The following CHRNE variants were observed in gnomAD, a reference collection of about 807,000 sequenced individuals.
CHRNE encodes acetylcholine receptor subunit epsilon.
Under a neutral mutation model 56.5 loss-of-function variants are expected in CHRNE, and 58 were observed. The ratio of observed to expected loss-of-function variants is 1.03; its 90% CI spans 0.83 to 1.28. The LOEUF (loss-of-function observed/expected upper bound fraction) is 1.28, where lower values mean the gene tolerates loss of function less well. Among genes scored for constraint, CHRNE ranks in the 50% most tolerant of loss-of-function variants. CHRNE has a pLI of 0.00. For missense variants in CHRNE, 793 were observed against 688.9 expected (o/e 1.15, Z -1.69); for synonymous variants, 385 against 297.9 (o/e 1.29, Z -3.01).
intron 5 of CHRNE, 54 bp downstream of exon 5, chr17:4,901,878 C>CCA: frequency 1.4e-6 from 2 of 1,475,980 alleles, no homozygotes; most frequent in African/African-American, 1.4e-5. Flanking sequence ...GGCCCCGCCC[C>CCA]ATAAGGCCCC....
Position 4,898,733 on chromosome 17 carries a change from G to A in CHRNE, c.*3C>T, listed in dbSNP as rs559273758. On this transcript the variant is annotated 3_prime_UTR_variant, in exon 12 of 12. Transcript: ENST00000649488. ...ATGGGTGGGAAATTGAAGTCGGTGC[G>A]AGCTAAGGCTGGATACACGGCGCGT... The A allele has an allele frequency of 2.2e-5, 36 of 1,609,256 alleles. No homozygotes were observed. The highest frequency in any genetic ancestry group is 1.5e-4 in the Admixed American group (9 of 59,242).
At chr17:4,904,181 CTT>C (rs931413877), upstream of CHRNE, among the ~76,000 whole-genome samples, 2 of 151,690 alleles carry the variant, frequency 1.3e-5, no homozygotes, top group Non-Finnish European at 2.9e-5. Flanking sequence ...TTTTCTGTTT[CTT>C]TTTTTGTTTT....
rs553626728 is a variant in CHRNE, at chr17:4,899,291, C to G, written c.1126G>C (p.Gly376Arg). 6.3e-7 allele frequency: 1 copy of G among 1,597,356 alleles called. No individual in the cohort carries two copies. The highest frequency in any genetic ancestry group is 2.3e-5 in the East Asian group (1 of 44,342). ...AGCTCCTCCGCGCGGAGCAATAAGC[C>G]CACCGACGACGCCCGCCTTGGGGGC... Reference protein sequence around the residue: ...ASPPRRASSVGLLLRAEELIL... With the variant: ...ASPPRRASSVRLLLRAEELIL... Residue 376 changes from glycine to arginine, a missense_variant, in exon 10 of 12, where the codon GGC becomes CGC. Physicochemically the swap from Gly to Arg is moderately radical, Grantham distance 125. Transcript: ENST00000649488.
intron 8 of CHRNE, chr17:4,900,564 T>C (rs373958533): frequency 6.5e-7 from 1 of 1,549,868 alleles, no homozygotes; most frequent in African/African-American, 1.4e-5. Context: ...AGGGAGGCAC[T>C]GAGCCGGACT....
In CHRNE at chr17:4,902,906, G is replaced by A. The variant is rs536313294; in HGVS notation, c.46+112C>T. ...CTCCTAAACCAATTATGCTGTGCCT[G>A]GGAACGAAATACTGTGTCTAAGTCT... On this transcript the variant is annotated intron_variant, in intron 1 of 11. Transcript: ENST00000649488. This position sits in a 1 kb window ranked among gnomAD's most constrained non-coding sequence, Gnocchi z 4.0. The A allele has an allele frequency of 4.2e-5, 67 of 1,581,640 alleles. No homozygotes were observed. The African/African-American group carries it at 8.6e-4, about 20-fold the overall frequency.
upstream of CHRNE, chr17:4,903,173 C>T: frequency 2.8e-6 from 3 of 1,082,442 alleles, no homozygotes; most frequent in Admixed American, 1.9e-5. Context: ...TGTTAGGGGA[C>T]TGTCACCTAA....
chr17:4,905,516 G>A (rs190351623), upstream of CHRNE, among the ~76,000 whole-genome samples: 3 of 152,214 alleles, frequency 2.0e-5, no homozygotes, highest in East Asian at 3.9e-4. Flanking sequence ...AGTGAGCTAC[G>A]ATCACACTAC....
At chr17:4,899,709 A>T in intron 8 of CHRNE, 127 bp from the exon 9 acceptor site, 1 of 1,508,654 alleles carries the variant, frequency 6.6e-7, no homozygotes, top group Non-Finnish European at 9.0e-7. Flanking sequence ...CGCCCCCTAC[A>T]CGACGACAGA....
At chr17:4,900,211 CG>C in intron 8 of CHRNE, 1 of 1,544,434 alleles carries the variant, frequency 6.5e-7, no homozygotes, top group Non-Finnish European at 8.7e-7. Flanking sequence ...TCTGCCTCCC[CG>C]CTAACCCCTG....
At position 4,900,236 on chromosome 17, in the gene CHRNE, G is replaced by A. The variant is rs1969933775; in HGVS notation, c.917+557C>T. ...CGCTAACCCCTGTGCCCCCAATGCA[G>A]ATCTCAGCCCTGTGGCTGCAGCAGG... On this transcript the variant is annotated intron_variant, in intron 8 of 11. Transcript: ENST00000649488. 6 of 1,547,220 alleles carry A rather than the reference G, an allele frequency of 3.9e-6. No individual in the cohort carries two copies. The South Asian group carries it at 6.0e-5, about 15-fold the overall frequency.
chr17:4,898,968 C>T, intron 11 of CHRNE, 33 bp downstream of exon 11: 2 of 1,273,538 alleles, frequency 1.6e-6, no homozygotes, highest in Non-Finnish European at 2.0e-6. Flanking sequence ...TGGGCCTCTG[C>T]CTCGCTCCAC....
rs765036915 is a variant in CHRNE at position 4,902,408 on chromosome 17, G to A, written c.234+42C>T. The stretch of plus-strand genomic sequence containing the variant: ...GGGAGGGGTTTGGGGGAAAAGGGGT[G>A]CCCTGGACAAGACCTCACACCATTC... On this transcript the variant is annotated intron_variant, in intron 3 of 11. Coordinates refer to ENST00000649488, the MANE Select transcript of CHRNE (RefSeq NM_000080.4). This position sits in a 1 kb window ranked among gnomAD's most constrained non-coding sequence, Gnocchi z 4.0. 2.5e-6 allele frequency: 4 copies of A among 1,613,926 alleles called. No homozygotes were observed. Among genetic ancestry groups the A allele is most frequent in the South Asian group, 2.2e-5 (2 of 91,078 alleles).
At position 4,902,056 on chromosome 17, in the gene CHRNE, C is replaced by T. The variant is rs200515887; in HGVS notation, c.376G>A (p.Ala126Thr). The T allele has an allele frequency of 6.2e-7, 1 of 1,614,112 alleles. No homozygotes were observed. The highest frequency in any genetic ancestry group is 8.5e-7 in the Non-Finnish European group (1 of 1,180,042). ...CCGCCCTCGTAGACGAGCACGTTGGCGTCGTAGGCCACTCCGAACTGGCCA... is the reference window on the plus strand; with the variant it reads ...CCGCCCTCGTAGACGAGCACGTTGGTGTCGTAGGCCACTCCGAACTGGCCA... ...IDGQFGVAYD[A>T]NVLVYEGGSV... Residue 126 changes from alanine (A) to threonine (T), a missense_variant, in exon 5 of 12, where the codon GCC (alanine) becomes ACC (threonine). Transcript: ENST00000649488. This position sits in a 1 kb window ranked among gnomAD's most constrained non-coding sequence, Gnocchi z 4.0.
chr17:4,902,070 C>A lies in CHRNE; in HGVS notation c.362G>T (p.Gly121Val), dbSNP rs746582621. 3.7e-6 allele frequency: 6 copies of A among 1,614,048 alleles called. No homozygotes were observed. Among genetic ancestry groups the A allele is most frequent in the Non-Finnish European group, 5.1e-6 (6 of 1,180,032 alleles). Residue 121 changes from glycine (G) to valine (V), a missense_variant, in exon 5 of 12, where the codon GGA becomes GTA. Gly to Val is a moderately radical substitution (Grantham distance 109, BLOSUM62 -3). Transcript: ENST00000649488. The surrounding 1 kb of genome is among the most constrained non-coding windows in gnomAD (Gnocchi z 4.0). The stretch of plus-strand genomic sequence containing the variant: ...GAGCACGTTGGCGTCGTAGGCCACT[C>A]CGAACTGGCCATCAATACTGTGGGC... The part of the protein sequence containing the change: ...VLENNIDGQF[G>V]VAYDANVLVY...
Position 4,902,782 on chromosome 17 carries a change from G to T in CHRNE, c.47-19C>A. The T allele has an allele frequency of 3.1e-6, 5 of 1,614,034 alleles. No individual in the cohort carries two copies. In the East Asian group the frequency reaches 6.7e-5, roughly 22 times the overall value. ...CCCCTGCCTGCGATGGGGTCAAGAA[G>T]GAAGGGTCATTGGCAATGAAGAGGC... On this transcript the variant is annotated intron_variant, in intron 1 of 11. Coordinates refer to ENST00000649488, the MANE Select transcript of CHRNE (RefSeq NM_000080.4). This position sits in a 1 kb window ranked among gnomAD's most constrained non-coding sequence, Gnocchi z 4.0.
chr17:4,902,876 T>C lies in CHRNE; in HGVS notation c.47-113A>G, dbSNP rs1970035593. 2.7e-5 allele frequency: 42 copies of C among 1,582,764 alleles called. 3 individuals carry two copies. In the South Asian group the frequency reaches 3.8e-4, roughly 14 times the overall value. On this transcript the variant is annotated intron_variant, in intron 1 of 11. Coordinates refer to ENST00000649488, the MANE Select transcript of CHRNE (RefSeq NM_000080.4). This position sits in a 1 kb window ranked among gnomAD's most constrained non-coding sequence, Gnocchi z 4.0. ...CCTCTGAGGCTGTGTACTATCAGTA[T>C]CTGTCTCCTAAACCAATTATGCTGT... is the stretch of plus-strand genomic sequence containing the variant.
chr17:4,899,531 G>T lies in CHRNE; in HGVS notation c.969C>A (p.Val323=), dbSNP rs532669011. The T allele has an allele frequency of 4.1e-5, 66 of 1,604,494 alleles. No homozygotes were observed. The South Asian group carries it at 7.1e-4, about 17-fold the overall frequency. ...VVATLIVMNC[V]IVLNVSQRTP... The stretch of plus-strand genomic sequence containing the variant: ...TCCGCTGGGACACGTTGAGCACGAT[G>T]ACGCAATTCATGACAATGAGCGTGG... The change falls in exon 9 of 12, where the codon GTC becomes GTA. Residue 323 remains valine (V), a synonymous_variant. Transcript: ENST00000649488.
chr17:4,902,852 C>T lies in CHRNE; in HGVS notation c.47-89G>A, dbSNP rs1970035296. ...CTGCCTCCCCTGGGTCCTCACAGGC[C>T]TCTGAGGCTGTGTACTATCAGTATC... On this transcript the variant is annotated intron_variant, in intron 1 of 11. Coordinates refer to ENST00000649488, the MANE Select transcript of CHRNE (RefSeq NM_000080.4). The surrounding 1 kb of genome is among the most constrained non-coding windows in gnomAD (Gnocchi z 4.0). The T allele has an allele frequency of 6.3e-7, 1 of 1,587,308 alleles. No individual in the cohort carries two copies. The highest frequency in any genetic ancestry group is 8.6e-7 in the Non-Finnish European group (1 of 1,156,584).
upstream of CHRNE, among the ~76,000 whole-genome samples, chr17:4,904,147 G>A (rs575884879): frequency 3.3e-5 from 5 of 152,142 alleles, no homozygotes; most frequent in South Asian, 4.2e-4. Flanking sequence ...GTGAGCCACC[G>A]CGCCCAGCCT....
Sources: allele counts gnomAD v4.1 joint callset (sites outside exome capture counted in the v4.1 genomes callset), GRCh38; gene constraint gnomAD v4.1.1; non-coding constraint Gnocchi (gnomAD v3.1); transcripts MANE v1.5; gene names NCBI Gene and HGNC (gene_info 2026-07-23, HGNC 2026-07-21).